GASK1A: variants seen among roughly 807,000 people sequenced by gnomAD.
GASK1A encodes the protein golgi associated kinase 1A, also known as Golgi-associated kinase 1A.
GASK1A carries 40 observed loss-of-function variants against 41.2 expected under a neutral mutation model. The ratio of observed to expected loss-of-function variants is 0.97; its 90% confidence interval spans 0.75 to 1.27. GASK1A has a LOEUF of 1.27. Among genes scored for constraint, GASK1A ranks in the 50% most tolerant of loss-of-function variants. The probability of loss-of-function intolerance (pLI) is 0.00; values close to 1 mark genes in which losing one functional copy is unlikely to be tolerated. For missense variants in GASK1A, 678 were observed against 745.1 expected (o/e 0.91, Z 1.05); for synonymous variants, 316 against 307.1 (o/e 1.03, Z -0.30).
At chr3:43,012,401 A>AG (rs1343653135) in intron 1 of GASK1A, among the ~76,000 whole-genome samples, 1 of 150,504 alleles carries the variant, frequency 6.6e-6, no homozygotes, top group Non-Finnish European at 1.5e-5. Context: ...AAGTAGGGGC[A>AG]GGGTGAACTT....
rs140295770 is a variant in GASK1A at position 43,056,151 on chromosome 3, C to T, written c.1518-25C>T. Reference sequence around the variant, plus strand: ...TTACTGTTGCTTTTTCTTTCTGTTACGGGGCTCTGGGGCCTTTGCTCCAGG... The same window carrying T: ...TTACTGTTGCTTTTTCTTTCTGTTATGGGGCTCTGGGGCCTTTGCTCCAGG... On this transcript the variant is annotated intron_variant, in intron 4 of 4. Transcript: ENST00000430121. The T allele has an allele frequency of 1.0e-3, 1,589 of 1,515,812 alleles. 17 individuals are homozygous for T. The African/African-American group carries it at 0.019, about 19-fold the overall frequency. The allele number at this position is 1,515,812 out of a possible 1,614,324, so 93.9% of individuals were successfully genotyped here.
At chr3:43,012,216 G>A (rs542776903) in intron 1 of GASK1A, among the ~76,000 whole-genome samples, 1 of 151,326 alleles carries the variant, frequency 6.6e-6, no homozygotes, top group East Asian at 2.0e-4. Context: ...ATAGAAAGGG[G>A]CTGTTTGAAG....
chr3:42,997,061 G>T (rs2089378723), intron 1 of GASK1A, among the ~76,000 whole-genome samples: 1 of 152,258 alleles, frequency 6.6e-6, no homozygotes, highest in South Asian at 2.1e-4. Context: ...GCTGAGGCTG[G>T]AACCTGGGCT....
intron 1 of GASK1A, among the ~76,000 whole-genome samples, chr3:42,983,777 A>C (rs529805755): frequency 1.1e-4 from 17 of 152,208 alleles, no homozygotes; most frequent in Non-Finnish European, 2.2e-4. Flanking sequence ...CTCCTGCTGC[A>C]TACCTGACCC....
intron 1 of GASK1A, among the ~76,000 whole-genome samples, chr3:43,027,940 A>G (rs1460600776): frequency 1.3e-5 from 2 of 152,242 alleles, no homozygotes; most frequent in Admixed American, 6.5e-5. Context: ...GAGACATAAG[A>G]CATCAATCAA....
intron 1 of GASK1A, among the ~76,000 whole-genome samples, chr3:43,030,222 G>A (rs953407729): frequency 6.6e-6 from 1 of 152,210 alleles, no homozygotes; most frequent in Non-Finnish European, 1.5e-5. Context: ...GGCCAGGTTC[G>A]TCTCAAACTC....
At chr3:42,999,868 G>C (rs1230600878) in intron 1 of GASK1A, among the ~76,000 whole-genome samples, 1 of 152,126 alleles carries the variant, frequency 6.6e-6, no homozygotes, top group Non-Finnish European at 1.5e-5. Flanking sequence ...TGTGTTACTA[G>C]CTTGTGCCAG....
intron 1 of GASK1A, among the ~76,000 whole-genome samples, chr3:43,024,010 C>CG (rs530169345): frequency 6.0e-4 from 91 of 152,210 alleles, no homozygotes; most frequent in African/African-American, 2.0e-3. Flanking sequence ...TGGAGTCAAT[C>CG]GGGGGCCACG....
chr3:43,034,833 G>A (rs902256454), intron 2 of GASK1A, among the ~76,000 whole-genome samples: 1 of 152,172 alleles, frequency 6.6e-6, no homozygotes, highest in Non-Finnish European at 1.5e-5. Flanking sequence ...AGCATCTGCT[G>A]CCCCCTTTGG....
At chr3:43,016,409 T>C (rs374983122) in intron 1 of GASK1A, among the ~76,000 whole-genome samples, 20 of 150,996 alleles carry the variant, frequency 1.3e-4, no homozygotes, top group African/African-American at 4.9e-4. Flanking sequence ...AGAGGCTGTG[T>C]GAAGCCACAG....
chr3:43,057,491 C>T lies in GASK1A; in HGVS notation c.*1105C>T, dbSNP rs2089722031. The T allele has an allele frequency of 6.7e-6, 1 of 150,168 alleles. No homozygotes were observed. Among genetic ancestry groups the T allele is most frequent in the East Asian group, 2.0e-4 (1 of 5,114 alleles). 9.3% of individuals were successfully genotyped at this position (150,168 alleles called of 1,614,324 possible). A position where few individuals can be genotyped will look rare whatever the true frequency, so the allele number is the denominator to read the frequency against. ...TCTCAGACTTTTGGGTTTTTTTTGGCCTATTTAGGAGGAAAACCGATTTTA... is the reference window on the plus strand; with the variant it reads ...TCTCAGACTTTTGGGTTTTTTTTGGTCTATTTAGGAGGAAAACCGATTTTA... On this transcript the variant is annotated 3_prime_UTR_variant, in exon 5 of 5. Transcript: ENST00000430121.
At chr3:43,039,205 G>GT (rs1329284553) in intron 2 of GASK1A, among the ~76,000 whole-genome samples, 1,512 of 125,694 alleles carry the variant, frequency 0.012, 38 homozygotes, top group African/African-American at 0.038. Flanking sequence ...TTTTTTTTTG[G>GT]TTTTTTTTTT....
chr3:43,046,851 G>A (rs1364419207), intron 2 of GASK1A, among the ~76,000 whole-genome samples: 3 of 152,224 alleles, frequency 2.0e-5, no homozygotes, highest in East Asian at 1.9e-4. Context: ...CCAAAGTACA[G>A]CTCAAGCCAT....
At chr3:42,985,624 C>CAGGGGAG (rs1401485681) in intron 1 of GASK1A, among the ~76,000 whole-genome samples, 1 of 145,818 alleles carries the variant, frequency 6.9e-6, no homozygotes, top group Non-Finnish European at 1.5e-5. Context: ...GTGGTAGGTT[C>CAGGGGAG]AGGGGAGAGG....
At chr3:43,022,071 G>T (rs2089525164) in intron 1 of GASK1A, among the ~76,000 whole-genome samples, 1 of 152,178 alleles carries the variant, frequency 6.6e-6, no homozygotes, top group Non-Finnish European at 1.5e-5. Context: ...GGAGGAGGTG[G>T]GGCCGCCCCC....
chr3:43,049,674 A>G (rs1160614417), intron 2 of GASK1A, among the ~76,000 whole-genome samples: 1 of 148,574 alleles, frequency 6.7e-6, no homozygotes, highest in Non-Finnish European at 1.5e-5. Context: ...TAGACCTGAG[A>G]TGTGCTTTCT....
chr3:43,055,256 C>A (rs1430401366), intron 3 of GASK1A, among the ~76,000 whole-genome samples, 176 bp from the exon 4 acceptor site: 1 of 152,206 alleles, frequency 6.6e-6, no homozygotes, highest in South Asian at 2.1e-4. Flanking sequence ...TGTCTGGAAG[C>A]ACTTAGCACA....
At chr3:43,008,214 A>C (rs1432910120) in intron 1 of GASK1A, among the ~76,000 whole-genome samples, 2 of 152,198 alleles carry the variant, frequency 1.3e-5, no homozygotes, top group Non-Finnish European at 2.9e-5. Flanking sequence ...CCTCCCTTCC[A>C]GGGAGGTTGC....
intron 1 of GASK1A, among the ~76,000 whole-genome samples, chr3:42,989,270 G>A (rs966470903): frequency 6.6e-6 from 1 of 152,148 alleles, no homozygotes; most frequent in African/African-American, 2.4e-5. Flanking sequence ...GGGAAAAGGT[G>A]CATTAATGGA....
Sources: gnomAD v4.1 joint callset for allele counts (sites outside exome capture counted in the v4.1 genomes callset) on GRCh38, gnomAD v4.1.1 for gene constraint, MANE v1.5 for transcripts, NCBI Gene and HGNC (gene_info 2026-07-23, HGNC 2026-07-21) for gene names.